The following LRFN2 variants were observed in gnomAD, a reference collection of about 807,000 sequenced individuals.
LRFN2 encodes the protein leucine rich repeat and fibronectin type III domain containing 2, also known as leucine-rich repeat and fibronectin type-III domain-containing protein 2.
A neutral mutation model predicts 37.3 loss-of-function variants in LRFN2; 18 were observed. That is an observed-to-expected ratio of 0.48 (90% CI 0.33 to 0.72). The LOEUF (loss-of-function observed/expected upper bound fraction) is 0.72, where lower values mean the gene tolerates loss of function less well. Ranked by LOEUF, LRFN2 falls within the 30% of genes least tolerant of loss-of-function variation. The pLI is 0.02. For synonymous variants in LRFN2, 556 were observed against 466.6 expected (o/e 1.19, Z -2.47); for missense variants, 1,006 against 1,060.7 (o/e 0.95, Z 0.72).
chr6:40,467,888 T>C (rs565020423), intron 1 of LRFN2, among the ~76,000 whole-genome samples: 4 of 152,262 alleles, frequency 2.6e-5, no homozygotes, highest in African/African-American at 9.6e-5. Flanking sequence ...TATGACTTCC[T>C]GTGTCTCCTA....
At chr6:40,400,160 G>A (rs1005030149) in intron 2 of LRFN2, among the ~76,000 whole-genome samples, 2 of 151,896 alleles carry the variant, frequency 1.3e-5, no homozygotes, top group South Asian at 2.1e-4. Context: ...CCTGGGGGTC[G>A]TTCATGTACA....
At chr6:40,518,214 C>G (rs1765940346) in intron 1 of LRFN2, among the ~76,000 whole-genome samples, 1 of 152,174 alleles carries the variant, frequency 6.6e-6, no homozygotes, top group Non-Finnish European at 1.5e-5. Context: ...ATGAACTTGG[C>G]CCTGTACTAA....
At chr6:40,492,687 G>A (rs1264980308) in intron 1 of LRFN2, among the ~76,000 whole-genome samples, 1 of 152,114 alleles carries the variant, frequency 6.6e-6, no homozygotes, top group Non-Finnish European at 1.5e-5. Context: ...ATCACTGCAT[G>A]GCAGCCAGGG....
At chr6:40,400,687 C>A (rs943998821) in intron 2 of LRFN2, among the ~76,000 whole-genome samples, 5 of 151,770 alleles carry the variant, frequency 3.3e-5, no homozygotes, top group African/African-American at 9.7e-5. Flanking sequence ...TCCTAAAGTG[C>A]TGGGATTACA....
chr6:40,546,693 G>C (rs1393433441), intron 1 of LRFN2, among the ~76,000 whole-genome samples: 2 of 152,212 alleles, frequency 1.3e-5, no homozygotes, highest in Non-Finnish European at 2.9e-5. Context: ...AGTTTACTGA[G>C]TATTGACTCT....
At chr6:40,558,400 A>G (rs961136626) in intron 1 of LRFN2, among the ~76,000 whole-genome samples, 6 of 152,182 alleles carry the variant, frequency 3.9e-5, no homozygotes, top group South Asian at 2.1e-4. Flanking sequence ...TCTGTTAAGA[A>G]CCTGTCCCTC....
At chr6:40,393,990 A>G (rs1283021196) in intron 2 of LRFN2, among the ~76,000 whole-genome samples, 1 of 152,146 alleles carries the variant, frequency 6.6e-6, no homozygotes, top group South Asian at 2.1e-4. Flanking sequence ...ACTGGGGGGC[A>G]CTTCTGCATC....
intron 1 of LRFN2, among the ~76,000 whole-genome samples, chr6:40,543,644 G>T (rs1185156661): frequency 6.6e-6 from 1 of 152,212 alleles, no homozygotes; most frequent in Non-Finnish European, 1.5e-5. Context: ...TTTTCACAGA[G>T]AAAATCAAAG....
At chr6:40,559,913 C>A (rs906785518) in intron 1 of LRFN2, among the ~76,000 whole-genome samples, 4 of 152,174 alleles carry the variant, frequency 2.6e-5, no homozygotes, top group African/African-American at 9.7e-5. Context: ...TGGCCTCTCT[C>A]CCTCTTCCGT....
rs1159215329 is a variant in LRFN2 at position 40,392,819 on chromosome 6, T to C, written c.1494A>G (p.Thr498=). ...TGTTGGTGGCCGTGAGTGTCGTGGC[T>C]GTGTCATCCCACATGGCCAGCACAC... The part of the protein sequence containing the change: ...DLCVLAMWDD[T]ATTLTATNIV... Residue 498 remains threonine, a synonymous_variant, in exon 3 of 3, where the codon ACA becomes ACG. Coordinates refer to ENST00000338305, the MANE Select transcript of LRFN2 (RefSeq NM_020737.3). The surrounding 1 kb of genome is among the most constrained non-coding windows in gnomAD (Gnocchi z 4.7). 1 of 1,614,084 alleles carries C rather than the reference T, an allele frequency of 6.2e-7. No homozygotes were observed. The highest frequency in any genetic ancestry group is 2.2e-5 in the East Asian group (1 of 44,876).
At position 40,426,268 on chromosome 6, in the gene LRFN2, G is replaced by T. The variant is rs188413439; in HGVS notation, c.1400+5446C>A. Among the ~76,000 whole-genome samples, 151 of 152,362 alleles carry T rather than the reference G, an allele frequency of 9.9e-4. 1 individual carries two copies. The highest frequency in any genetic ancestry group is 2.0e-3 in the Non-Finnish European group (139 of 68,046). On this transcript the variant is annotated intron_variant, in intron 2 of 2. Coordinates refer to ENST00000338305, the MANE Select transcript of LRFN2 (RefSeq NM_020737.3). ...ATTTAAGTTAAATGTTTTCACTCCTGCCTGAAAGTCAGACTGCCTGCTTCG... is the reference window on the plus strand; with the variant it reads ...ATTTAAGTTAAATGTTTTCACTCCTTCCTGAAAGTCAGACTGCCTGCTTCG...
chr6:40,565,179 G>T (rs1241548839), intron 1 of LRFN2, among the ~76,000 whole-genome samples: 1 of 152,114 alleles, frequency 6.6e-6, no homozygotes, highest in Non-Finnish European at 1.5e-5. Context: ...ACTTACAAGG[G>T]ATGTGAAGGA....
At chr6:40,566,595 G>A (rs1272269853) in intron 1 of LRFN2, among the ~76,000 whole-genome samples, 1 of 151,910 alleles carries the variant, frequency 6.6e-6, no homozygotes, top group East Asian at 1.9e-4. Context: ...GGACATGGAT[G>A]AAGCTGGAAA....
At chr6:40,535,022 C>T (rs1377714981) in intron 1 of LRFN2, among the ~76,000 whole-genome samples, 2 of 152,190 alleles carry the variant, frequency 1.3e-5, no homozygotes, top group Non-Finnish European at 2.9e-5. Flanking sequence ...TTTCTGACTA[C>T]AAAGCCCAGG....
chr6:40,489,891 C>G (rs1459722385), intron 1 of LRFN2, among the ~76,000 whole-genome samples: 1 of 152,164 alleles, frequency 6.6e-6, no homozygotes, highest in Non-Finnish European at 1.5e-5. Flanking sequence ...TGCCCGGGTG[C>G]CCCCAGCTCA....
chr6:40,468,202 A>C (rs1209041324), intron 1 of LRFN2, among the ~76,000 whole-genome samples: 1 of 152,080 alleles, frequency 6.6e-6, no homozygotes, highest in Admixed American at 6.5e-5. Flanking sequence ...CTAGTGTCAG[A>C]AGCAATTGGT....
intron 1 of LRFN2, among the ~76,000 whole-genome samples, chr6:40,445,103 G>C (rs528197196): frequency 1.3e-5 from 2 of 152,306 alleles, no homozygotes; most frequent in African/African-American, 4.8e-5. Context: ...TGCAGACATG[G>C]GGTGGTGAAA....
intron 1 of LRFN2, among the ~76,000 whole-genome samples, chr6:40,524,320 C>T (rs1254166817): frequency 6.6e-6 from 1 of 152,110 alleles, no homozygotes; most frequent in African/African-American, 2.4e-5. Flanking sequence ...ACCTGGATGC[C>T]TGCCTGCCCT....
At chr6:40,453,344 G>A (rs1764157668) in intron 1 of LRFN2, among the ~76,000 whole-genome samples, 2 of 152,030 alleles carry the variant, frequency 1.3e-5, no homozygotes, top group Admixed American at 1.3e-4. Context: ...GGCACAATGT[G>A]GGGGATAGAT....
Sources: allele counts gnomAD v4.1 joint callset (sites outside exome capture counted in the v4.1 genomes callset), GRCh38; gene constraint gnomAD v4.1.1; non-coding constraint Gnocchi (gnomAD v3.1); transcripts MANE v1.5; gene names NCBI Gene and HGNC (gene_info 2026-07-23, HGNC 2026-07-21).